GDF1: variants seen among roughly 807,000 people sequenced by gnomAD.
GDF1 encodes the protein embryonic growth/differentiation factor 1.
In GDF1, 8 loss-of-function variants were observed where a neutral mutation model predicts 7.4. The observed-to-expected ratio is 1.09, with a 90% CI of 0.64 to 1.96. The LOEUF is 1.96. Ranked by LOEUF, GDF1 falls within the 30% of genes most tolerant of loss-of-function variation. GDF1 has a pLI of 0.00. For synonymous variants in GDF1, 311 were observed against 276.7 expected, an observed-to-expected ratio of 1.12 and a Z score of -1.23; for missense variants, 574 against 551.5, an observed-to-expected ratio of 1.04 and a Z score of -0.41.
At chr19:18,880,509 C>G in intron 3 of GDF1, 74 bp from the exon 4 acceptor site, 7 of 1,425,078 alleles carry the variant, frequency 4.9e-6, no homozygotes, top group Non-Finnish European at 6.6e-6. Context: ...AGGCCCCCAG[C>G]AGAGTCCCTG....
At chr19:18,882,321 T>TA (rs888149148) in intron 3 of GDF1, among the ~76,000 whole-genome samples, 2 of 152,100 alleles carry the variant, frequency 1.3e-5, no homozygotes, top group African/African-American at 4.8e-5. Context: ...AGGAATGGAA[T>TA]AGGGGCTTTT....
At chr19:18,882,228 A>G (rs544261894) in intron 3 of GDF1, among the ~76,000 whole-genome samples, 3 of 152,328 alleles carry the variant, frequency 2.0e-5, no homozygotes, top group Admixed American at 6.5e-5. Flanking sequence ...AACTATGGGA[A>G]TGTTCTAAAC....
intron 6 of GDF1, among the ~76,000 whole-genome samples, chr19:18,872,509 G>A (rs1315532455): frequency 2.7e-5 from 4 of 150,656 alleles, no homozygotes; most frequent in African/African-American, 7.3e-5. Context: ...CACCATGCCC[G>A]GGGTAATTTT....
Position 18,878,806 on chromosome 19 carries a change from G to A in GDF1, c.-313+124C>T, listed in dbSNP as rs779202758. 8.9e-5 allele frequency: 132 copies of A among 1,487,096 alleles called. No homozygotes were observed. Among genetic ancestry groups the A allele is most frequent in the Non-Finnish European group, 1.2e-4 (131 of 1,119,172 alleles). The allele number at this position is 1,487,096 out of a possible 1,614,324, so 92.1% of individuals were successfully genotyped here. A position where few individuals can be genotyped will look rare whatever the true frequency, so the allele number is the denominator to read the frequency against. On this transcript the variant is annotated intron_variant, in intron 6 of 7. Coordinates refer to ENST00000247005, the MANE Select transcript of GDF1 (RefSeq NM_001492.6). This position sits in a 1 kb window ranked among gnomAD's most constrained non-coding sequence, Gnocchi z 4.6. ...TTATTGCAGTCTCTGTTTTGGAGTA[G>A]GCTTGGGGGGCAGCATCCGCGTCGG... is the stretch of plus-strand genomic sequence containing the variant.
intron 6 of GDF1, among the ~76,000 whole-genome samples, chr19:18,877,041 G>A (rs1174620957): frequency 2.0e-5 from 3 of 152,172 alleles, no homozygotes; most frequent in South Asian, 2.1e-4. Context: ...ACGTCTCTCA[G>A]CCTGACTGCC....
rs947144924 is a variant in GDF1, at chr19:18,895,009, C to A, written c.-1074+815G>T. On this transcript the variant is annotated intron_variant, in intron 1 of 7. Coordinates refer to ENST00000247005, the MANE Select transcript of GDF1 (RefSeq NM_001492.6). This position sits in a 1 kb window ranked among gnomAD's most constrained non-coding sequence, Gnocchi z 6.4. Reference sequence around the variant, plus strand: ...CCAGGGAAGTGAGTGGGGTCAGGCGCCAATGTCACCATCATGGTCACTCTC... The same window carrying A: ...CCAGGGAAGTGAGTGGGGTCAGGCGACAATGTCACCATCATGGTCACTCTC... Among the ~76,000 whole-genome samples, 13 of 152,206 alleles carry A rather than the reference C, an allele frequency of 8.5e-5. No individual in the cohort carries two copies. The highest frequency in any genetic ancestry group is 7.2e-4 in the Admixed American group (11 of 15,280).
chr19:18,889,305 C>T (rs2056437431), intron 2 of GDF1, among the ~76,000 whole-genome samples: 1 of 152,186 alleles, frequency 6.6e-6, no homozygotes, highest in Non-Finnish European at 1.5e-5. Flanking sequence ...TGCCCAGGGC[C>T]ACCCTGCTGG....
chr19:18,893,582 G>T lies in GDF1; in HGVS notation c.-1073-7C>A. On this transcript the variant is annotated splice_polypyrimidine_tract_variant and splice_region_variant and intron_variant, in intron 1 of 7. Transcript: ENST00000247005. ...AGCACCGCTTCGCCAGGGGCTATGGGGGAGAAGACAGGCGGGCAGCCATTG... is the reference window on the plus strand; with the variant it reads ...AGCACCGCTTCGCCAGGGGCTATGGTGGAGAAGACAGGCGGGCAGCCATTG... The T allele has an allele frequency of 6.2e-7, 1 of 1,605,398 alleles. No homozygotes were observed.
At chr19:18,891,743 A>G (rs1219726686) in intron 2 of GDF1, among the ~76,000 whole-genome samples, 4 of 151,116 alleles carry the variant, frequency 2.6e-5, no homozygotes, top group Non-Finnish European at 5.9e-5. Flanking sequence ...ATACCAGGCT[A>G]ATTTTTTGTA....
chr19:18,869,154 G>A lies in GDF1; in HGVS notation c.562C>T (p.Pro188Ser). 8.9e-7 allele frequency: 1 copy of A among 1,129,156 alleles called. No homozygotes were observed. Among genetic ancestry groups the A allele is most frequent in the Non-Finnish European group, 1.1e-6 (1 of 921,640 alleles). 69.9% of individuals were successfully genotyped at this position (1,129,156 alleles called of 1,614,324 possible). A position where few individuals can be genotyped will look rare whatever the true frequency, so the allele number is the denominator to read the frequency against. The change falls in exon 8 of 8, where the codon CCC becomes TCC. Residue 188 changes from proline to serine, a missense_variant. Physicochemically the swap from Pro to Ser is moderately conservative, Grantham distance 74 (BLOSUM62 -1). Coordinates refer to ENST00000247005, the MANE Select transcript of GDF1 (RefSeq NM_001492.6). ...PGPVLLRQLV[P>S]ALGPPVRAEL... Reference sequence around the variant, plus strand: ...GCGCGCACTGGCGGCCCCAGGGCGGGCACCAACTGGCGGAGCAGCACCGGC... The same window carrying A: ...GCGCGCACTGGCGGCCCCAGGGCGGACACCAACTGGCGGAGCAGCACCGGC...
chr19:18,890,783 G>GA (rs35488506), intron 2 of GDF1, among the ~76,000 whole-genome samples: 12,261 of 99,674 alleles, frequency 0.12, 742 homozygotes, highest in Middle Eastern at 0.21. Context: ...CGCGTCTGGG[G>GA]AAAAAAAAAA....
chr19:18,896,083 C>T lies in GDF1; in HGVS notation c.-1333G>A. 1 of 950,670 alleles carries T rather than the reference C, an allele frequency of 1.1e-6. No homozygotes were observed. Among genetic ancestry groups the T allele is most frequent in the Non-Finnish European group, 1.2e-6 (1 of 800,676 alleles). The allele number at this position is 950,670 out of a possible 1,614,324, so 58.9% of individuals were successfully genotyped here. On this transcript the variant is annotated 5_prime_UTR_variant, in exon 1 of 8. Coordinates refer to ENST00000247005, the MANE Select transcript of GDF1 (RefSeq NM_001492.6). This position sits in a 1 kb window ranked among gnomAD's most constrained non-coding sequence, Gnocchi z 5.9. ...CCCCGCCGCCGCCATACCGCCCGCT[C>T]GCCCGCCGTGCCCGTCGCCTGCGCC...
At chr19:18,888,759 G>A (rs1313702198) in intron 2 of GDF1, among the ~76,000 whole-genome samples, 1 of 151,866 alleles carries the variant, frequency 6.6e-6, no homozygotes, top group Non-Finnish European at 1.5e-5. Flanking sequence ...GAACCCAGGA[G>A]GCAGAGGCTG....
chr19:18,872,215 T>G (rs2055982717), intron 6 of GDF1, among the ~76,000 whole-genome samples: 1 of 152,386 alleles, frequency 6.6e-6, no homozygotes, highest in South Asian at 2.1e-4. Context: ...TGCTGATTCT[T>G]GTTTGTTTTT....
Position 18,870,355 on chromosome 19 carries a change from C to A in GDF1, c.-48G>T. ...AGAGTGCGCAGGGTCCGCGGCGGCC[C>A]GGGACCAGTGGGCTGAGGGCGGGGC... On this transcript the variant is annotated 5_prime_UTR_variant, in exon 7 of 8. Coordinates refer to ENST00000247005, the MANE Select transcript of GDF1 (RefSeq NM_001492.6). This position sits in a 1 kb window ranked among gnomAD's most constrained non-coding sequence, Gnocchi z 5.1. 1 of 1,538,646 alleles carries A rather than the reference C, an allele frequency of 6.5e-7. No individual in the cohort carries two copies. Among genetic ancestry groups the A allele is most frequent in the South Asian group, 1.2e-5 (1 of 83,350 alleles).
chr19:18,869,402 G>T lies in GDF1; in HGVS notation c.326-12C>A, dbSNP rs764806804. 1.0e-5 allele frequency: 16 copies of T among 1,528,062 alleles called. 1 individual carries two copies. The South Asian group carries it at 1.4e-4, about 14-fold the overall frequency. 94.7% of individuals were successfully genotyped at this position (1,528,062 alleles called of 1,614,324 possible). A position where few individuals can be genotyped will look rare whatever the true frequency, so the allele number is the denominator to read the frequency against. On this transcript the variant is annotated splice_polypyrimidine_tract_variant and intron_variant, in intron 7 of 7. Coordinates refer to ENST00000247005, the MANE Select transcript of GDF1 (RefSeq NM_001492.6). ...CCGGGTGGGCGCACCTGGGGAGGTA[G>T]GAACAGGAACTCGGCTCGCGCTGCG... is the stretch of plus-strand genomic sequence containing the variant.
Position 18,878,872 on chromosome 19 carries a change from C to T in GDF1, c.-313+58G>A, listed in dbSNP as rs1405161546. On this transcript the variant is annotated intron_variant, in intron 6 of 7. Transcript: ENST00000247005. This position sits in a 1 kb window ranked among gnomAD's most constrained non-coding sequence, Gnocchi z 4.6. ...GGTCTTGGGGGCCTGCCCACGAACACGCTTGGACGGGTGACACTAAAGGAG... is the reference window on the plus strand; with the variant it reads ...GGTCTTGGGGGCCTGCCCACGAACATGCTTGGACGGGTGACACTAAAGGAG... 2.3e-5 allele frequency: 36 copies of T among 1,590,682 alleles called. No homozygotes were observed. The highest frequency in any genetic ancestry group is 7.0e-5 in the Admixed American group (4 of 56,954).
Position 18,878,835 on chromosome 19 carries a change from C to A in GDF1, c.-313+95G>T. ...TGGGGGGCAGCATCCGCGTCGGCCT[C>A]ATCTGCTGCTGGGTCTTGGGGGCCT... is the stretch of plus-strand genomic sequence containing the variant. On this transcript the variant is annotated intron_variant, in intron 6 of 7. Coordinates refer to ENST00000247005, the MANE Select transcript of GDF1 (RefSeq NM_001492.6). The surrounding 1 kb of genome is among the most constrained non-coding windows in gnomAD (Gnocchi z 4.6). The A allele has an allele frequency of 6.5e-7, 1 of 1,537,738 alleles. No individual in the cohort carries two copies. Among genetic ancestry groups the A allele is most frequent in the Admixed American group, 2.0e-5 (1 of 50,840 alleles).
At chr19:18,882,553 C>T (rs763230313) in intron 3 of GDF1, among the ~76,000 whole-genome samples, 6 of 151,754 alleles carry the variant, frequency 4.0e-5, no homozygotes, top group Non-Finnish European at 8.8e-5. Flanking sequence ...GGGAGGATTG[C>T]TTGAACCTGG....
Sources: allele counts gnomAD v4.1 joint callset (sites outside exome capture counted in the v4.1 genomes callset), GRCh38; gene constraint gnomAD v4.1.1; non-coding constraint Gnocchi (gnomAD v3.1); transcripts MANE v1.5; gene names NCBI Gene and HGNC (gene_info 2026-07-23, HGNC 2026-07-21).